Variants in MAST2 observed in about 807,000 individuals in gnomAD.
MAST2 encodes the protein microtubule associated serine/threonine kinase 2, also known as microtubule-associated serine/threonine-protein kinase 2.
Under a neutral mutation model 147.4 loss-of-function variants are expected in MAST2, and 70 were observed. That is an observed-to-expected ratio of 0.47 (90% CI 0.39 to 0.58). The LOEUF is 0.58. Ranked by LOEUF, MAST2 falls within the 20% of genes least tolerant of loss-of-function variation. The probability of loss-of-function intolerance (pLI) is 0.00; values close to 1 mark genes in which losing one functional copy is unlikely to be tolerated. For missense variants in MAST2, 2,080 were observed against 2,302.3 expected (o/e 0.90, Z 1.98); for synonymous variants, 869 against 896.8 (o/e 0.97, Z 0.55).
chr1:45,841,718 G>A (rs1266219303), intron 3 of MAST2, among the ~76,000 whole-genome samples: 1 of 152,196 alleles, frequency 6.6e-6, no homozygotes, highest in African/African-American at 2.4e-5. Context: ...TAGATAGAAT[G>A]CTGCAGCAGA....
intron 1 of MAST2, among the ~76,000 whole-genome samples, chr1:45,806,298 C>T (rs1256059670): frequency 1.3e-5 from 2 of 152,216 alleles, no homozygotes; most frequent in African/African-American, 4.8e-5. Context: ...TTCTTTCATT[C>T]GGATCATGTC....
At position 45,857,506 on chromosome 1, in the gene MAST2, T is replaced by G. The variant is rs540949637; in HGVS notation, c.469-24858T>G. On this transcript the variant is annotated intron_variant, in intron 3 of 28. Coordinates refer to ENST00000361297, the MANE Select transcript of MAST2 (RefSeq NM_015112.3). ...TGAGAAGCTACCACAGACTGTAAAG[T>G]TTCCAGGTTCTGTACTTTGTGCTGG... 5.9e-5 allele frequency among the ~76,000 whole-genome samples: 9 copies of G among 152,322 alleles called. No individual in the cohort carries two copies. The East Asian group carries it at 1.7e-3, about 29-fold the overall frequency.
Position 46,023,661 on chromosome 1 carries a change from C to T in MAST2, c.1572-111C>T, listed in dbSNP as rs1182656817. The T allele has an allele frequency of 4.2e-6, 4 of 954,934 alleles. No individual in the cohort carries two copies. Among genetic ancestry groups the T allele is most frequent in the East Asian group, 5.2e-5 (2 of 38,154 alleles). 59.2% of individuals were successfully genotyped at this position (954,934 alleles called of 1,614,324 possible). A position where few individuals can be genotyped will look rare whatever the true frequency, so the allele number is the denominator to read the frequency against. ...CTTCTCACTGATATGCATGCCCTTG[C>T]CCCCTTGTTCTGTGCATTAATTAAG... On this transcript the variant is annotated intron_variant, in intron 14 of 28. Transcript: ENST00000361297. This position sits in a 1 kb window ranked among gnomAD's most constrained non-coding sequence, Gnocchi z 4.9.
chr1:45,889,472 C>T (rs1375551165), intron 4 of MAST2, among the ~76,000 whole-genome samples: 2 of 152,146 alleles, frequency 1.3e-5, no homozygotes, highest in Admixed American at 1.3e-4. Flanking sequence ...CAGGTGTGAG[C>T]CTCTGCACCT....
chr1:46,028,110 C>A (rs1484646743), intron 17 of MAST2, among the ~76,000 whole-genome samples: 1 of 152,204 alleles, frequency 6.6e-6, no homozygotes, highest in African/African-American at 2.4e-5. Flanking sequence ...GAACCCCTAT[C>A]TTTTCTACCT....
intron 4 of MAST2, among the ~76,000 whole-genome samples, chr1:45,893,056 G>T (rs958400946): frequency 1.3e-5 from 2 of 152,178 alleles, no homozygotes; most frequent in Admixed American, 1.3e-4. Flanking sequence ...CAATGGGTCT[G>T]GAATAAGTCC....
intron 3 of MAST2, among the ~76,000 whole-genome samples, chr1:45,871,226 T>C (rs1385712816): frequency 6.6e-6 from 1 of 152,006 alleles, no homozygotes; most frequent in Non-Finnish European, 1.5e-5. Context: ...TCCCCTTTTT[T>C]TTTTACCCTT....
rs1571298797 is a variant in MAST2, at chr1:46,032,576, C to T, written c.3415-20C>T. 1 of 1,612,816 alleles carries T rather than the reference C, an allele frequency of 6.2e-7. No homozygotes were observed. The highest frequency in any genetic ancestry group is 8.5e-7 in the Non-Finnish European group (1 of 1,179,284). On this transcript the variant is annotated intron_variant, in intron 25 of 28. Coordinates refer to ENST00000361297, the MANE Select transcript of MAST2 (RefSeq NM_015112.3). ...TCGTGTTCAGGCTCCAGTCTGAGTA[C>T]TGTTCTCTTCCTGGCACAGCACGTG...
intron 10 of MAST2, among the ~76,000 whole-genome samples, chr1:46,015,417 T>A (rs1200938577): frequency 3.9e-5 from 6 of 152,150 alleles, no homozygotes; most frequent in Non-Finnish European, 8.8e-5. Context: ...ACAAAATTGA[T>A]AGACCGCTAC....
rs369113803 is a variant in MAST2 at position 45,823,469 on chromosome 1, G to A, written c.178-964G>A. On this transcript the variant is annotated intron_variant, in intron 1 of 28. Transcript: ENST00000361297. The stretch of plus-strand genomic sequence containing the variant: ...TCTGTCTCAGCCTCCCGAGTAAGCC[G>A]GGGTTACAGGTGCCTGCCACCACGC... Among the ~76,000 whole-genome samples, 6 of 151,952 alleles carry A rather than the reference G, an allele frequency of 3.9e-5. No homozygotes were observed. The South Asian group carries it at 6.2e-4, about 16-fold the overall frequency.
At chr1:45,953,756 A>G (rs1179394951) in intron 4 of MAST2, among the ~76,000 whole-genome samples, 2 of 152,210 alleles carry the variant, frequency 1.3e-5, no homozygotes, top group Non-Finnish European at 2.9e-5. Flanking sequence ...GTGTGCTTTA[A>G]AAGAATCACT....
chr1:46,005,496 G>A (rs1352615299), intron 7 of MAST2, among the ~76,000 whole-genome samples: 1 of 152,136 alleles, frequency 6.6e-6, no homozygotes, highest in Non-Finnish European at 1.5e-5. Flanking sequence ...GGACTGAATG[G>A]GTGCTTCAGC....
Position 45,890,095 on chromosome 1 carries a change from T to G in MAST2, c.500+7700T>G, listed in dbSNP as rs562361539. Among the ~76,000 whole-genome samples, 9 of 152,268 alleles carry G rather than the reference T, an allele frequency of 5.9e-5. No homozygotes were observed. The South Asian group carries it at 1.9e-3, about 32-fold the overall frequency. The stretch of plus-strand genomic sequence containing the variant: ...ATCTAGTTCCTACACACCTTTCAAG[T>G]CCCAGCTTACACCTCACTTCCTTAT... On this transcript the variant is annotated intron_variant, in intron 4 of 28. Coordinates refer to ENST00000361297, the MANE Select transcript of MAST2 (RefSeq NM_015112.3).
chr1:45,934,346 C>T (rs1655864331), intron 4 of MAST2, among the ~76,000 whole-genome samples: 1 of 152,122 alleles, frequency 6.6e-6, no homozygotes, highest in Admixed American at 6.5e-5. Context: ...ATTAGCCGGG[C>T]TTGGTGGCAG....
chr1:45,959,261 C>T, intron 4 of MAST2, 125 bp from the exon 5 acceptor site: 2 of 627,712 alleles, frequency 3.2e-6, no homozygotes, highest in South Asian at 4.1e-5. Flanking sequence ...TGACCCAGTT[C>T]AGTTTAAAGA....
At chr1:45,966,350 T>C (rs1242789577) in intron 5 of MAST2, among the ~76,000 whole-genome samples, 1 of 152,078 alleles carries the variant, frequency 6.6e-6, no homozygotes, top group Non-Finnish European at 1.5e-5. Flanking sequence ...GGGTAGACGT[T>C]AATTTTTAAC....
chr1:45,829,683 C>A (rs902307385), intron 3 of MAST2, 102 bp downstream of exon 3: 4 of 1,244,562 alleles, frequency 3.2e-6, no homozygotes, highest in Non-Finnish European at 4.5e-6. Context: ...TTGGAGAATT[C>A]AGTTTCCCAA....
chr1:45,857,850 G>GTTTTTTTTTTT (rs35371770), intron 3 of MAST2, among the ~76,000 whole-genome samples: 8 of 66,582 alleles, frequency 1.2e-4, no homozygotes, highest in African/African-American at 2.4e-4. Context: ...AACATGCGGT[G>GTTTTTTTTTTT]TTTTTTTTTT....
intron 4 of MAST2, among the ~76,000 whole-genome samples, chr1:45,923,249 G>A (rs1416452456): frequency 6.6e-6 from 1 of 152,140 alleles, no homozygotes; most frequent in Non-Finnish European, 1.5e-5. Flanking sequence ...GGCTTCCAAA[G>A]GAGGGTTCCA....
Sources: gnomAD v4.1 joint callset for allele counts (sites outside exome capture counted in the v4.1 genomes callset) on GRCh38, gnomAD v4.1.1 for gene constraint, Gnocchi (gnomAD v3.1) non-coding constraint, MANE v1.5 for transcripts, NCBI Gene and HGNC (gene_info 2026-07-23, HGNC 2026-07-21) for gene names.